Variants in SF3B3 observed in about 807,000 individuals in gnomAD.
SF3B3 encodes splicing factor 3b subunit 3.
SF3B3 carries 33 observed loss-of-function variants against 139.2 expected under a neutral mutation model. The ratio of observed to expected loss-of-function variants is 0.24; its 90% CI spans 0.18 to 0.32. SF3B3 has a LOEUF of 0.32. SF3B3 is among the 10% of genes least tolerant of loss of function. The pLI, the probability that SF3B3 is intolerant of heterozygous loss-of-function variation, is 1.00. For synonymous variants in SF3B3, 596 were observed against 563.6 expected (o/e 1.06, Z -0.81); for missense variants, 818 against 1,509.4 (o/e 0.54, Z 7.59).
At position 70,535,405 on chromosome 16, in the gene SF3B3, A is replaced by T. The variant is rs1167139357; in HGVS notation, c.810A>T (p.Pro270=). The change falls in exon 6 of 26, where the codon CCA becomes CCT. Residue 270 remains proline (P), a synonymous_variant. Transcript: ENST00000302516. ...NFGDQPDIRC[P]IPRRRNDLDD... The stretch of plus-strand genomic sequence containing the variant: ...GTGACCAGCCAGATATCCGCTGTCC[A>T]ATTCCCAGGAGGCGGGTAAGATCTT... 1 of 1,599,442 alleles carries T rather than the reference A, an allele frequency of 6.3e-7. No homozygotes were observed. Among genetic ancestry groups the T allele is most frequent in the African/African-American group, 1.3e-5 (1 of 74,674 alleles).
At chr16:70,541,557 T>C (rs973950200) in intron 8 of SF3B3, 112 bp from the exon 9 acceptor site, 1 of 838,200 alleles carries the variant, frequency 1.2e-6, no homozygotes, top group African/African-American at 1.7e-5. Context: ...CTAAAAATAA[T>C]AACAATAGTA....
chr16:70,533,789 A>C (rs756178719), intron 5 of SF3B3, among the ~76,000 whole-genome samples: 2 of 152,244 alleles, frequency 1.3e-5, no homozygotes, highest in Non-Finnish European at 2.9e-5. Flanking sequence ...AATAAAAATA[A>C]AGGACAGCAC....
At chr16:70,559,512 C>A (rs960827506) in intron 15 of SF3B3, among the ~76,000 whole-genome samples, 1 of 151,958 alleles carries the variant, frequency 6.6e-6, no homozygotes, top group African/African-American at 2.4e-5. Flanking sequence ...CATGGCGAAA[C>A]CTCATTTCCA....
At chr16:70,554,993 C>G in intron 12 of SF3B3, 58 bp from the exon 13 acceptor site, 1 of 1,527,348 alleles carries the variant, frequency 6.5e-7, no homozygotes, top group Non-Finnish European at 9.0e-7. Context: ...ATGTGAGGGT[C>G]ATTCTGAGTG....
At chr16:70,532,869 G>A (rs1444534468) in intron 5 of SF3B3, among the ~76,000 whole-genome samples, 2 of 152,198 alleles carry the variant, frequency 1.3e-5, no homozygotes, top group Non-Finnish European at 2.9e-5. Flanking sequence ...GGAGCAGTCA[G>A]CTTGGAATAT....
At chr16:70,545,528 G>A (rs951366595) in intron 10 of SF3B3, among the ~76,000 whole-genome samples, 1 of 152,172 alleles carries the variant, frequency 6.6e-6, no homozygotes, top group African/African-American at 2.4e-5. Flanking sequence ...TAATGTTAAT[G>A]CTTTCTAGTG....
chr16:70,564,124 A>T, intron 18 of SF3B3, 74 bp downstream of exon 18: 2 of 1,485,738 alleles, frequency 1.3e-6, no homozygotes, highest in East Asian at 4.6e-5. Context: ...ACTGCCCGGC[A>T]CTTTGGGAGG....
chr16:70,529,157 C>A lies in SF3B3; in HGVS notation c.355C>A (p.Gln119Lys), dbSNP rs1331464926. Residue 119 changes from glutamine to lysine, a missense_variant, in exon 3 of 26, where the codon CAG becomes AAG. Physicochemically the swap from Gln to Lys is moderately conservative, Grantham distance 53. Transcript: ENST00000302516. ...KSGCRRIVPG[Q>K]FLAVDPKGRA... ...TGGATGCCGTCGCATCGTTCCTGGC[C>A]AGTTCTTAGCTGTGGATCCCAAAGG... 1.2e-6 allele frequency: 2 copies of A among 1,613,952 alleles called. No individual in the cohort carries two copies. The highest frequency in any genetic ancestry group is 1.7e-5 in the Admixed American group (1 of 59,976).
In SF3B3 at chr16:70,576,601, T is replaced by G. The variant is rs1015325749; in HGVS notation, c.*4788T>G. ...AGTACTACCATTTCCTGTGGGTTAT[T>G]AGGGCCTCCAGCTGTTATGAGGACA... On this transcript the variant is annotated 3_prime_UTR_variant, in exon 26 of 26. Transcript: ENST00000302516. The G allele has an allele frequency of 7.2e-5, 11 of 152,148 alleles. No homozygotes were observed. Among genetic ancestry groups the G allele is most frequent in the African/African-American group, 2.7e-4 (11 of 41,406 alleles). 9.4% of individuals were successfully genotyped at this position (152,148 alleles called of 1,614,324 possible). A position where few individuals can be genotyped will look rare whatever the true frequency, so the allele number is the denominator to read the frequency against.
intron 11 of SF3B3, among the ~76,000 whole-genome samples, chr16:70,551,306 G>GT (rs915853164): frequency 2.0e-5 from 3 of 152,170 alleles, no homozygotes; most frequent in East Asian, 1.9e-4. Flanking sequence ...ATGAACTATT[G>GT]TTTTTTAACA....
intron 5 of SF3B3, among the ~76,000 whole-genome samples, chr16:70,533,041 C>A (rs1419245435): frequency 2.0e-5 from 3 of 152,134 alleles, no homozygotes; most frequent in Admixed American, 2.0e-4. Flanking sequence ...AGACGATTAC[C>A]AGATTGATCC....
intron 9 of SF3B3, 85 bp downstream of exon 9, chr16:70,541,919 C>A: frequency 8.2e-7 from 1 of 1,214,908 alleles, no homozygotes; most frequent in Non-Finnish European, 1.2e-6. Context: ...TTAGTATTTC[C>A]ATGAACTCGC....
At chr16:70,527,554 G>C (rs1435115231) in intron 2 of SF3B3, among the ~76,000 whole-genome samples, 2 of 152,108 alleles carry the variant, frequency 1.3e-5, no homozygotes, top group African/African-American at 2.4e-5. Context: ...TATTTTCTCT[G>C]ATCCTCATTA....
At position 70,548,513 on chromosome 16, in the gene SF3B3, C is replaced by A. The variant is rs372389292; in HGVS notation, c.1402+71C>A. On this transcript the variant is annotated intron_variant, in intron 11 of 25. Coordinates refer to ENST00000302516, the MANE Select transcript of SF3B3 (RefSeq NM_012426.5). Reference sequence around the variant, plus strand: ...TTGACATAGAAGGCTTGAAAGGCTGCGTTCATAATACTTCTGTATCATTTC... The same window carrying A: ...TTGACATAGAAGGCTTGAAAGGCTGAGTTCATAATACTTCTGTATCATTTC... The A allele has an allele frequency of 1.5e-3, 1,932 of 1,278,992 alleles. 36 individuals carry two copies. The South Asian group carries it at 0.022, about 14-fold the overall frequency. The allele number at this position is 1,278,992 out of a possible 1,614,324, so 79.2% of individuals were successfully genotyped here.
Position 70,538,394 on chromosome 16 carries a change from C to T in SF3B3, c.897C>T (p.Phe299=). The T allele has an allele frequency of 6.2e-7, 1 of 1,613,824 alleles. No individual in the cohort carries two copies. Among genetic ancestry groups the T allele is most frequent in the Non-Finnish European group, 8.5e-7 (1 of 1,179,728 alleles). Residue 299 remains phenylalanine, a synonymous_variant, in exon 7 of 26, where the codon TTC becomes TTT. Coordinates refer to ENST00000302516, the MANE Select transcript of SF3B3 (RefSeq NM_012426.5). ...CAACCCATAAAACCAAATCGATGTT[C>T]TTCTTTTTGGCTCAAACTGAGCAGG... is the stretch of plus-strand genomic sequence containing the variant. ...CSATHKTKSM[F]FFLAQTEQGD... is the part of the protein sequence containing the mutation.
chr16:70,527,190 G>A (rs1348584703), intron 2 of SF3B3, among the ~76,000 whole-genome samples: 3 of 152,204 alleles, frequency 2.0e-5, no homozygotes, highest in African/African-American at 7.2e-5. Flanking sequence ...GTTTAGGTAG[G>A]GAGTGCTGTC....
chr16:70,568,210 G>A, intron 21 of SF3B3, 73 bp from the exon 22 acceptor site: 1 of 1,162,062 alleles, frequency 8.6e-7, no homozygotes, highest in Non-Finnish European at 1.3e-6. Context: ...ATGTCATACG[G>A]AAAGCTGGGC....
intron 10 of SF3B3, among the ~76,000 whole-genome samples, chr16:70,546,037 A>G (rs1420694758): frequency 6.6e-6 from 1 of 152,222 alleles, no homozygotes; most frequent in Admixed American, 6.5e-5. Context: ...ACTTTGCTTC[A>G]CTGTAGCCTC....
chr16:70,550,859 A>T (rs1426058112), intron 11 of SF3B3, among the ~76,000 whole-genome samples: 1 of 152,232 alleles, frequency 6.6e-6, no homozygotes, highest in African/African-American at 2.4e-5. Context: ...CTGAGGCAGG[A>T]GTCTGCCTCT....
Sources: gnomAD v4.1 joint callset for allele counts (sites outside exome capture counted in the v4.1 genomes callset) on GRCh38, gnomAD v4.1.1 for gene constraint, MANE v1.5 for transcripts, NCBI Gene and HGNC (gene_info 2026-07-23, HGNC 2026-07-21) for gene names.